PGGHG: variants seen among roughly 807,000 people sequenced by gnomAD.
PGGHG encodes the protein protein-glucosylgalactosylhydroxylysine glucosidase, also known as ATH1, acid trehalase-like 1.
In PGGHG, 67 loss-of-function variants were observed where a neutral mutation model predicts 74.5. The observed-to-expected ratio is 0.90, with a 90% confidence interval of 0.74 to 1.10. PGGHG has a LOEUF of 1.10. Among genes scored for constraint, PGGHG ranks in the 50% least tolerant of loss-of-function variants. The probability of loss-of-function intolerance (pLI) is 0.00; values close to 1 mark genes in which losing one functional copy is unlikely to be tolerated. For missense variants in PGGHG, 1,034 were observed against 981.5 expected, an observed-to-expected ratio of 1.05 and a Z score of -0.72; for synonymous variants, 496 against 419.9, an observed-to-expected ratio of 1.18 and a Z score of -2.21.
chr11:290,125 CG>C (rs1845672853), intron 2 of PGGHG, 50 bp downstream of exon 2: 1 of 1,481,730 alleles, frequency 6.7e-7, no homozygotes, highest in South Asian at 1.3e-5. Flanking sequence ...TGTTCCAGGT[CG>C]GTGGGGCAAC....
rs1564842600 is a variant in PGGHG at position 294,124 on chromosome 11, CA to C, written c.1737del (p.Gly580AlafsTer3). On this transcript the variant is annotated frameshift_variant, in exon 12 of 14. Transcript: ENST00000409548. LOFTEE classifies it high-confidence loss of function. ...GTGTGGACGGAGAATGCAGACGGGT[CA>C]GGCGCTGTGAACTTCCTGACAGGCA... Reference protein sequence around the residue: ...FKVWTENADGSGAVNFLTGMG... With the variant: ...FKVWTENADGXGAVNFLTGMG... 2 of 1,612,098 alleles carry C rather than the reference CA, an allele frequency of 1.2e-6. No homozygotes were observed. The highest frequency in any genetic ancestry group is 2.2e-5 in the South Asian group (2 of 90,778).
Position 291,040 on chromosome 11 carries a change from A to G in PGGHG, c.833A>G (p.His278Arg). 6.2e-7 allele frequency: 1 copy of G among 1,612,244 alleles called. No homozygotes were observed. The highest frequency in any genetic ancestry group is 1.1e-5 in the South Asian group (1 of 91,020). The change falls in exon 4 of 14, where the codon CAT (histidine) becomes CGT (arginine). Residue 278 changes from histidine (H) to arginine (R), a missense_variant. His to Arg is a conservative substitution (Grantham distance 29). Coordinates refer to ENST00000409548, the MANE Select transcript of PGGHG (RefSeq NM_025092.5). ...CCCAAGGCCCCAGGATACATCTGCC[A>G]TGGCCTCAGTCCTGGGGGCCTCTCC... ...PQPKAPGYICHGLSPGGLSNG... is the reference protein window; with the variant it reads ...PQPKAPGYICRGLSPGGLSNG...
At position 291,097 on chromosome 11, in the gene PGGHG, A is replaced by G. The variant is rs770393123; in HGVS notation, c.890A>G (p.His297Arg). The G allele has an allele frequency of 1.2e-5, 19 of 1,586,634 alleles. No individual in the cohort carries two copies. The highest frequency in any genetic ancestry group is 1.5e-5 in the Non-Finnish European group (18 of 1,163,188). ...NGSREECYWG[H>R]VFWDQDLWMF... Reference sequence around the variant, plus strand: ...AGCCGTGAGGAATGCTACTGGGGCCACGTCTTCTGGGACCAGGTGAGCACT... The same window carrying G: ...AGCCGTGAGGAATGCTACTGGGGCCGCGTCTTCTGGGACCAGGTGAGCACT... Residue 297 changes from histidine (H) to arginine (R), a missense_variant, in exon 4 of 14, where the codon CAC becomes CGC. His to Arg is a conservative substitution (Grantham distance 29). Transcript: ENST00000409548.
rs775069650 is a variant in PGGHG, at chr11:292,668, T to C, written c.1149T>C (p.His383=). ...TGTTGGCCTTCGAGCTGTACTACCATACCACCCAGGTGAGGTGCTGCGTGC... is the reference window on the plus strand; with the variant it reads ...TGTTGGCCTTCGAGCTGTACTACCACACCACCCAGGTGAGGTGCTGCGTGC... The part of the protein sequence containing the change: ...AVVLAFELYY[H]TTQDLQLFRE... The change falls in exon 6 of 14, where the codon CAT becomes CAC. Residue 383 remains histidine, a synonymous_variant. Transcript: ENST00000409548. 13 of 1,613,758 alleles carry C rather than the reference T, an allele frequency of 8.1e-6. No individual in the cohort carries two copies. Among genetic ancestry groups the C allele is most frequent in the Non-Finnish European group, 1.0e-5 (12 of 1,179,988 alleles).
chr11:293,804 G>C (rs748929380), intron 10 of PGGHG, 26 bp from the exon 11 acceptor site: 2 of 1,613,438 alleles, frequency 1.2e-6, no homozygotes, highest in Admixed American at 1.7e-5. Flanking sequence ...CCTCACCCCT[G>C]TGTGTCCTCT....
chr11:290,206 A>G, intron 2 of PGGHG, 131 bp downstream of exon 2: 1 of 1,396,408 alleles, frequency 7.2e-7, no homozygotes, highest in Non-Finnish European at 9.4e-7. Flanking sequence ...GAGGCCCCAG[A>G]GGCCCGCAGG....
At position 291,058 on chromosome 11, in the gene PGGHG, G is replaced by T. The variant is rs553210478; in HGVS notation, c.851G>T (p.Gly284Val). Residue 284 changes from glycine (G) to valine (V), a missense_variant, in exon 4 of 14, where the codon GGC becomes GTC. By Grantham distance (109) the Gly-to-Val change is moderately radical. Coordinates refer to ENST00000409548, the MANE Select transcript of PGGHG (RefSeq NM_025092.5). Reference protein sequence around the residue: ...GYICHGLSPGGLSNGSREECY... With the variant: ...GYICHGLSPGVLSNGSREECY... The stretch of plus-strand genomic sequence containing the variant: ...ATCTGCCATGGCCTCAGTCCTGGGG[G>T]CCTCTCCAATGGGAGCCGTGAGGAA... 1.2e-6 allele frequency: 2 copies of T among 1,609,140 alleles called. No individual in the cohort carries two copies. Among genetic ancestry groups the T allele is most frequent in the Non-Finnish European group, 1.7e-6 (2 of 1,177,588 alleles).
chr11:291,597 CTG>C, intron 4 of PGGHG: 1 of 265,764 alleles, frequency 3.8e-6, no homozygotes, highest in South Asian at 5.1e-5. Context: ...TCGAGAGTGA[CTG>C]TGCTGGGGCT....
chr11:294,667 A>G lies in PGGHG; in HGVS notation c.2132A>G (p.Asp711Gly), dbSNP rs1249016782. Residue 711 changes from aspartate (D) to glycine (G), a missense_variant, in exon 14 of 14, where the codon GAC becomes GGC. By Grantham distance (94) the Asp-to-Gly change is moderately conservative (BLOSUM62 -1). Transcript: ENST00000409548. ...FPGRTFSDVR[D>G]PLQSPLWVTL... is the part of the protein sequence containing the mutation. The stretch of plus-strand genomic sequence containing the variant: ...GGGAGGACTTTTTCAGATGTTAGGG[A>G]CCCGCTCCAGAGCCCCCTCTGGGTC... 6.2e-7 allele frequency: 1 copy of G among 1,613,158 alleles called. No individual in the cohort carries two copies. The highest frequency in any genetic ancestry group is 8.5e-7 in the Non-Finnish European group (1 of 1,179,836).
intron 4 of PGGHG, 23 bp from the exon 5 acceptor site, chr11:291,953 A>G (rs1208821487): frequency 3.8e-6 from 6 of 1,592,136 alleles, no homozygotes; most frequent in African/African-American, 1.3e-5. Flanking sequence ...GTCCGGCGCT[A>G]GAACGAGGGA....
intron 11 of PGGHG, 37 bp downstream of exon 11, chr11:293,962 TGTG>T (rs1458332968): frequency 6.2e-7 from 1 of 1,600,654 alleles, no homozygotes; most frequent in Non-Finnish European, 8.5e-7. Context: ...CTGGGCCCCT[TGTG>T]GTGGGAGTGG....
rs1845657857 is a variant in PGGHG at position 289,707 on chromosome 11, C to T, written c.-13-97C>T. ...GGCTGCCCAGCTGGTTCCGCAACTC[C>T]CCCCAGTTCTGAGGGAGGCTTCAGG... On this transcript the variant is annotated intron_variant, in intron 1 of 13. Coordinates refer to ENST00000409548, the MANE Select transcript of PGGHG (RefSeq NM_025092.5). The surrounding 1 kb of genome is among the most constrained non-coding windows in gnomAD (Gnocchi z 5.6). The T allele has an allele frequency of 2.1e-6, 3 of 1,401,752 alleles. No homozygotes were observed. The highest frequency in any genetic ancestry group is 2.8e-6 in the Non-Finnish European group (3 of 1,063,982). 86.8% of individuals were successfully genotyped at this position (1,401,752 alleles called of 1,614,324 possible).
rs1157932252 is a variant in PGGHG, at chr11:290,417, C to A, written c.287C>A (p.Pro96His). 1.3e-6 allele frequency: 2 copies of A among 1,547,356 alleles called. No individual in the cohort carries two copies. Among genetic ancestry groups the A allele is most frequent in the Non-Finnish European group, 8.7e-7 (1 of 1,146,886 alleles). ...TCCTTTCTTCACACCCTGGAGGGCCCCCGCTTCCGGGCCTCCCAGTGCATC... is the reference window on the plus strand; with the variant it reads ...TCCTTTCTTCACACCCTGGAGGGCCACCGCTTCCGGGCCTCCCAGTGCATC... ...TGSFLHTLEG[P>H]RFRASQCIYA... is the part of the protein sequence containing the mutation. Residue 96 changes from proline to histidine, a missense_variant, in exon 3 of 14, where the codon CCC (proline) becomes CAC (histidine). By Grantham distance (77) the Pro-to-His change is moderately conservative. Coordinates refer to ENST00000409548, the MANE Select transcript of PGGHG (RefSeq NM_025092.5).
At position 289,875 on chromosome 11, in the gene PGGHG, C is replaced by G. The variant is rs955596039; in HGVS notation, c.59C>G (p.Pro20Arg). The change falls in exon 2 of 14, where the codon CCC (proline) becomes CGC (arginine). Residue 20 changes from proline (P) to arginine (R), a missense_variant. By Grantham distance (103) the Pro-to-Arg change is moderately radical. Transcript: ENST00000409548. This position sits in a 1 kb window ranked among gnomAD's most constrained non-coding sequence, Gnocchi z 5.6. Reference sequence around the variant, plus strand: ...GCTGCCCACTCTCTGCCCAGTGACCCCCGTCTCTTGGCCACTGTGACCAAC... The same window carrying G: ...GCTGCCCACTCTCTGCCCAGTGACCGCCGTCTCTTGGCCACTGTGACCAAC... ...TFAAHSLPSD[P>R]RLLATVTNAY... 1.9e-6 allele frequency: 3 copies of G among 1,551,050 alleles called. No individual in the cohort carries two copies. The African/African-American group carries it at 4.1e-5, about 21-fold the overall frequency.
At position 289,998 on chromosome 11, in the gene PGGHG, C is replaced by T; in HGVS notation, c.182C>T (p.Pro61Leu). 6.5e-7 allele frequency: 1 copy of T among 1,548,458 alleles called. No homozygotes were observed. Among genetic ancestry groups the T allele is most frequent in the Non-Finnish European group, 8.7e-7 (1 of 1,146,826 alleles). The change falls in exon 2 of 14, where the codon CCC (proline) becomes CTC (leucine). Residue 61 changes from proline (P) to leucine (L), a missense_variant. Pro to Leu is a moderately conservative substitution (Grantham distance 98, BLOSUM62 -3). Transcript: ENST00000409548. The surrounding 1 kb of genome is among the most constrained non-coding windows in gnomAD (Gnocchi z 5.6). ...ACGCACCGGGCCATGCTGCCCAGCC[C>T]CCTCAACGTCCGGCTGGAGGCCCCT... ...GDTHRAMLPS[P>L]LNVRLEAPAG... is the part of the protein sequence containing the mutation.
Position 289,553 on chromosome 11 carries a change from G to C in PGGHG, c.-13-251G>C, listed in dbSNP as rs3932433. 0.32 allele frequency: 169,814 copies of C among 534,016 alleles called. 31,999 individuals carry two copies. Among genetic ancestry groups the C allele is most frequent in the Middle Eastern group, 0.42 (854 of 2,042 alleles). 33.1% of individuals were successfully genotyped at this position (534,016 alleles called of 1,614,324 possible). Reference sequence around the variant, plus strand: ...GGGTTAGGACTGGAATTCTAAGGTAGCAGGAGGGAGAGACACACTCAGGGG... The same window carrying C: ...GGGTTAGGACTGGAATTCTAAGGTACCAGGAGGGAGAGACACACTCAGGGG... On this transcript the variant is annotated intron_variant, in intron 1 of 13. Coordinates refer to ENST00000409548, the MANE Select transcript of PGGHG (RefSeq NM_025092.5). The surrounding 1 kb of genome is among the most constrained non-coding windows in gnomAD (Gnocchi z 5.6).
chr11:293,525 T>C, intron 9 of PGGHG, 23 bp downstream of exon 9: 1 of 1,611,720 alleles, frequency 6.2e-7, no homozygotes, highest in African/African-American at 1.3e-5. Context: ...CTTCAAGGGC[T>C]CCTCCCCTGC....
Position 294,839 on chromosome 11 carries a change from T to C in PGGHG, c.*90T>C. 1 of 1,380,146 alleles carries C rather than the reference T, an allele frequency of 7.2e-7. No individual in the cohort carries two copies. The highest frequency in any genetic ancestry group is 1.4e-5 in the South Asian group (1 of 69,158). 85.5% of individuals were successfully genotyped at this position (1,380,146 alleles called of 1,614,324 possible). Reference sequence around the variant, plus strand: ...TCCTGGGCACCCTCCTAGCCTGCCATCCCTCACCTGCAGCCAGGCTCTCAG... The same window carrying C: ...TCCTGGGCACCCTCCTAGCCTGCCACCCCTCACCTGCAGCCAGGCTCTCAG... On this transcript the variant is annotated 3_prime_UTR_variant, in exon 14 of 14. Transcript: ENST00000409548.
chr11:294,671 G>C lies in PGGHG; in HGVS notation c.2136G>C (p.Pro712=), dbSNP rs762349762. Residue 712 remains proline (P), a synonymous_variant, in exon 14 of 14, where the codon CCG becomes CCC. Coordinates refer to ENST00000409548, the MANE Select transcript of PGGHG (RefSeq NM_025092.5). The stretch of plus-strand genomic sequence containing the variant: ...GGACTTTTTCAGATGTTAGGGACCC[G>C]CTCCAGAGCCCCCTCTGGGTCACCC... The part of the protein sequence containing the change: ...PGRTFSDVRD[P]LQSPLWVTLG... 1.2e-6 allele frequency: 2 copies of C among 1,613,458 alleles called. No homozygotes were observed. Among genetic ancestry groups the C allele is most frequent in the African/African-American group, 2.7e-5 (2 of 74,876 alleles).
Sources: gnomAD v4.1 joint callset for allele counts on GRCh38, gnomAD v4.1.1 for gene constraint, Gnocchi (gnomAD v3.1) non-coding constraint, MANE v1.5 for transcripts, NCBI Gene and HGNC (gene_info 2026-07-23, HGNC 2026-07-21) for gene names.